The following SYNE2 variants were observed in gnomAD, a reference collection of about 807,000 sequenced individuals.
SYNE2 encodes the protein spectrin repeat containing nuclear envelope protein 2.
A neutral mutation model predicts 856.3 loss-of-function variants in SYNE2; 431 were observed. The ratio of observed to expected loss-of-function variants is 0.50; its 90% CI spans 0.47 to 0.55. SYNE2 has a LOEUF of 0.55. SYNE2 is among the 20% of genes least tolerant of loss of function. The probability of loss-of-function intolerance (pLI) is 0.00; values close to 1 mark genes in which losing one functional copy is unlikely to be tolerated. For missense variants in SYNE2, 8,129 were observed against 8,023.2 expected (o/e 1.01, Z -0.50); for synonymous variants, 2,923 against 2,872.3 (o/e 1.02, Z -0.56).
chr14:64,179,229 CG>C (rs1224479612), intron 96 of SYNE2, among the ~76,000 whole-genome samples: 1 of 152,142 alleles, frequency 6.6e-6, no homozygotes, highest in Non-Finnish European at 1.5e-5. Context: ...CTCCACCATT[CG>C]GGTTCCAGCA....
At chr14:63,956,039 C>T (rs1319767287) in intron 8 of SYNE2, among the ~76,000 whole-genome samples, 2 of 152,182 alleles carry the variant, frequency 1.3e-5, no homozygotes, top group Non-Finnish European at 2.9e-5. Flanking sequence ...ATTCGCAATG[C>T]AACTAACAGC....
chr14:64,005,484 C>T (rs1340213191), intron 30 of SYNE2, among the ~76,000 whole-genome samples: 1 of 152,208 alleles, frequency 6.6e-6, no homozygotes, highest in African/African-American at 2.4e-5. Flanking sequence ...GAACCTTCCT[C>T]TGGGTTCAAG....
At chr14:63,818,032 A>AC (rs1393815969) in intron 1 of SYNE2, among the ~76,000 whole-genome samples, 6 of 147,852 alleles carry the variant, frequency 4.1e-5, no homozygotes, top group African/African-American at 1.5e-4. Context: ...CTCAAAAAAA[A>AC]AAAAAAAAAA....
intron 52 of SYNE2, among the ~76,000 whole-genome samples, chr14:64,072,147 C>A (rs2097415745): frequency 6.6e-6 from 1 of 152,114 alleles, no homozygotes; most frequent in African/African-American, 2.4e-5. Flanking sequence ...AGTGAATATT[C>A]TTATGCCAGA....
rs148005338 is a variant in SYNE2, at chr14:64,179,599, CTT to C, written c.17556+2119_17556+2120del. ...TGGTATTGTCAGATTTTTTTTTAAA[CTT>C]TTGCTAATCCAGCAGCTGTGAGATA... On this transcript the variant is annotated intron_variant, in intron 96 of 115. Transcript: ENST00000555002. Among the ~76,000 whole-genome samples, 313 of 152,154 alleles carry C rather than the reference CTT, an allele frequency of 2.1e-3. 4 individuals carry two copies. The East Asian group carries it at 0.05, about 24-fold the overall frequency.
intron 1 of SYNE2, among the ~76,000 whole-genome samples, chr14:63,800,658 G>A (rs920225197): frequency 4.6e-5 from 7 of 152,214 alleles, no homozygotes; most frequent in Non-Finnish European, 1.0e-4. Flanking sequence ...CATGTATTTT[G>A]TGGGAACATG....
At chr14:63,880,090 T>A (rs905163786) in intron 1 of SYNE2, among the ~76,000 whole-genome samples, 16 of 152,222 alleles carry the variant, frequency 1.1e-4, no homozygotes, top group African/African-American at 3.1e-4. Flanking sequence ...TTTATTTTAT[T>A]CATTTATTTA....
intron 49 of SYNE2, among the ~76,000 whole-genome samples, chr14:64,062,026 T>C (rs2097321317): frequency 6.6e-6 from 1 of 152,224 alleles, no homozygotes; most frequent in African/African-American, 2.4e-5. Context: ...ATAGAGTTTT[T>C]AGTTACATTC....
intron 45 of SYNE2, among the ~76,000 whole-genome samples, chr14:64,042,331 T>C (rs1348824539): frequency 6.6e-6 from 1 of 152,246 alleles, no homozygotes; most frequent in Non-Finnish European, 1.5e-5. Flanking sequence ...GTATAGACTT[T>C]AGAACAGTGG....
chr14:63,995,798 T>A (rs953099117), intron 23 of SYNE2, among the ~76,000 whole-genome samples: 1 of 151,978 alleles, frequency 6.6e-6, no homozygotes, highest in African/African-American at 2.4e-5. Context: ...GATGTAGATA[T>A]GTAAATATAT....
intron 2 of SYNE2, among the ~76,000 whole-genome samples, chr14:63,935,322 A>G (rs778940140): frequency 4.6e-5 from 7 of 152,238 alleles, no homozygotes; most frequent in Non-Finnish European, 7.3e-5. Context: ...CTGGTAATGC[A>G]TAAAAAATGG....
chr14:63,910,260 C>T (rs1201007984), intron 2 of SYNE2, among the ~76,000 whole-genome samples: 2 of 152,040 alleles, frequency 1.3e-5, no homozygotes, highest in Non-Finnish European at 2.9e-5. Context: ...CTGATATTTT[C>T]CTTTAAATTA....
At chr14:63,910,716 A>G (rs547498940) in intron 2 of SYNE2, among the ~76,000 whole-genome samples, 9 of 152,308 alleles carry the variant, frequency 5.9e-5, no homozygotes, top group African/African-American at 1.7e-4. Flanking sequence ...CCTTATTTGT[A>G]AAATGTGAAT....
chr14:63,941,854 T>C (rs752438141), intron 4 of SYNE2, 31 bp from the exon 5 acceptor site: 12 of 1,612,322 alleles, frequency 7.4e-6, no homozygotes, highest in Admixed American at 3.3e-5. Context: ...TTTCATTTTT[T>C]CTGAGTAATA....
rs774194914 is a variant in SYNE2 at position 64,137,847 on chromosome 14, A to C, written c.14707A>C (p.Lys4903Gln). ...ARLYQTLNEGKQLVASVSCPE... is the reference protein window; with the variant it reads ...ARLYQTLNEGQQLVASVSCPE... ...GCTTTACCAAACTCTGAACGAAGGC[A>C]AACAGTTGGTGGCGTCTGTGAGCTG... is the stretch of plus-strand genomic sequence containing the variant. The change falls in exon 79 of 116, where the codon AAA becomes CAA. Residue 4903 changes from lysine to glutamine, a missense_variant. This residue lies in a region of SYNE2 where 5,410 missense variants were observed against 5,284.8 expected (regional missense o/e 1.02). Coordinates refer to ENST00000555002, the MANE Select transcript of SYNE2 (RefSeq NM_182914.3). 2 of 1,614,234 alleles carry C rather than the reference A, an allele frequency of 1.2e-6. No individual in the cohort carries two copies. Among genetic ancestry groups the C allele is most frequent in the Admixed American group, 3.3e-5 (2 of 60,030 alleles).
At chr14:64,220,323 C>A in intron 110 of SYNE2, 114 bp from the exon 111 acceptor site, 2 of 1,176,616 alleles carry the variant, frequency 1.7e-6, no homozygotes, top group Admixed American at 1.9e-5. Flanking sequence ...ACTCTCATTT[C>A]TGTGGCCGCA....
intron 1 of SYNE2, among the ~76,000 whole-genome samples, chr14:63,807,059 C>G (rs1290998171): frequency 1.3e-5 from 2 of 152,024 alleles, no homozygotes; most frequent in East Asian, 1.9e-4. Context: ...CACAGTGGCT[C>G]ATGCCTGTAA....
intron 1 of SYNE2, among the ~76,000 whole-genome samples, chr14:63,894,115 G>A (rs753376728): frequency 6.6e-6 from 1 of 151,840 alleles, no homozygotes; most frequent in Non-Finnish European, 1.5e-5. Flanking sequence ...TAAACAGTTT[G>A]TATAAGATAA....
In SYNE2 at chr14:64,209,998, G is replaced by A. The variant is rs2098631607; in HGVS notation, c.18597G>A (p.Gln6199=). The A allele has an allele frequency of 1.2e-6, 2 of 1,614,172 alleles. No individual in the cohort carries two copies. Among genetic ancestry groups the A allele is most frequent in the Non-Finnish European group, 1.7e-6 (2 of 1,180,034 alleles). Residue 6199 remains glutamine (Q), a synonymous_variant, in exon 103 of 116, where the codon CAG becomes CAA. Transcript: ENST00000555002. Reference sequence around the variant, plus strand: ...CTCAGCTGGAGCTCATCAACAAGCAGTACCGGCGGCTGGCCCGGGAGAACC... The same window carrying A: ...CTCAGCTGGAGCTCATCAACAAGCAATACCGGCGGCTGGCCCGGGAGAACC... ...RLTQLELINK[Q]YRRLARENRT... is the part of the protein sequence containing the mutation.
Sources: gnomAD v4.1 joint callset for allele counts (sites outside exome capture counted in the v4.1 genomes callset) on GRCh38, gnomAD v4.1.1 for gene constraint, gnomAD v4.1.1 regional missense constraint, MANE v1.5 for transcripts, NCBI Gene and HGNC (gene_info 2026-07-23, HGNC 2026-07-21) for gene names.